The following KIDINS220 variants were observed in gnomAD, a reference collection of about 807,000 sequenced individuals.
The protein encoded by KIDINS220 is kinase D-interacting substrate of 220 kDa.
In KIDINS220, 63 loss-of-function variants were observed where a neutral mutation model predicts 157.6. The ratio of observed to expected loss-of-function variants is 0.40; its 90% CI spans 0.33 to 0.49. The LOEUF (loss-of-function observed/expected upper bound fraction) is 0.49, where lower values mean the gene tolerates loss of function less well. KIDINS220 is among the 20% of genes least tolerant of loss of function. The pLI, the probability that KIDINS220 is intolerant of heterozygous loss-of-function variation, is 0.66. For synonymous variants in KIDINS220, 732 were observed against 783.6 expected, an observed-to-expected ratio of 0.93 and a Z score of 1.10; for missense variants, 1,772 against 2,171.2, an observed-to-expected ratio of 0.82 and a Z score of 3.65.
intron 22 of KIDINS220, among the ~76,000 whole-genome samples, chr2:8,758,020 G>A (rs951299851): frequency 2.6e-5 from 4 of 152,110 alleles, no homozygotes; most frequent in African/African-American, 7.2e-5. Flanking sequence ...CAGCCACCAC[G>A]CCTGGCTAAT....
chr2:8,816,025 G>C (rs1452743645), intron 4 of KIDINS220, among the ~76,000 whole-genome samples: 1 of 152,074 alleles, frequency 6.6e-6, no homozygotes, highest in Non-Finnish European at 1.5e-5. Flanking sequence ...CCAATCCTTT[G>C]AGGTTAAGGT....
chr2:8,832,061 ACTC>A (rs1679716698), intron 1 of KIDINS220, among the ~76,000 whole-genome samples: 1 of 151,784 alleles, frequency 6.6e-6, no homozygotes, highest in Admixed American at 6.6e-5. Context: ...CAGAATTCCC[ACTC>A]CTCCTTATTC....
At chr2:8,747,865 C>A in intron 25 of KIDINS220, 22 bp downstream of exon 25, 1 of 1,403,204 alleles carries the variant, frequency 7.1e-7, no homozygotes. Flanking sequence ...TTAATATTTG[C>A]GTTACCCTTT....
chr2:8,794,308 A>G (rs1428899259), intron 11 of KIDINS220: 1 of 181,660 alleles, frequency 5.5e-6, no homozygotes, highest in Non-Finnish European at 1.1e-5. Context: ...GGTCCACTTC[A>G]TTAGTATCCC....
At chr2:8,823,785 G>A (rs1293916976) in intron 2 of KIDINS220, among the ~76,000 whole-genome samples, 4 of 152,016 alleles carry the variant, frequency 2.6e-5, no homozygotes, top group Non-Finnish European at 5.9e-5. Context: ...CTAACAAAAT[G>A]ACTACTTCTG....
In KIDINS220 at chr2:8,826,714, T is replaced by C. The variant is rs1211518963; in HGVS notation, c.108+272A>G. ...GATCTGTAAAGTTTCACAGAAGTAC[T>C]TGATTTCAGTAATCAAGCTTCCTGA... On this transcript the variant is annotated intron_variant, in intron 2 of 29. Coordinates refer to ENST00000256707, the MANE Select transcript of KIDINS220 (RefSeq NM_020738.4). 2.2e-5 allele frequency: 5 copies of C among 226,080 alleles called. No individual in the cohort carries two copies. In the East Asian group the frequency reaches 3.7e-4, roughly 17 times the overall value. 14.0% of individuals were successfully genotyped at this position (226,080 alleles called of 1,614,324 possible).
chr2:8,778,732 A>T lies in KIDINS220; in HGVS notation c.2615-5T>A, dbSNP rs757900584. On this transcript the variant is annotated splice_region_variant and splice_polypyrimidine_tract_variant and intron_variant, in intron 19 of 29. Transcript: ENST00000256707. ...TGTCAGCATCTTCCTGTATCCCTTAAATAATTTATCAAGACAGCATCACTT... is the reference window on the plus strand; with the variant it reads ...TGTCAGCATCTTCCTGTATCCCTTATATAATTTATCAAGACAGCATCACTT... 6.2e-7 allele frequency: 1 copy of T among 1,612,998 alleles called. No homozygotes were observed. The highest frequency in any genetic ancestry group is 8.5e-7 in the Non-Finnish European group (1 of 1,178,982).
At chr2:8,820,794 T>G in intron 2 of KIDINS220, among the ~76,000 whole-genome samples, 1 of 152,236 alleles carries the variant, frequency 6.6e-6, no homozygotes, top group Non-Finnish European at 1.5e-5. Context: ...TTAAAAGTTA[T>G]GTTTAGAATT....
At chr2:8,762,855 C>T (rs1353010304) in intron 22 of KIDINS220, among the ~76,000 whole-genome samples, 2 of 152,146 alleles carry the variant, frequency 1.3e-5, no homozygotes, top group Non-Finnish European at 2.9e-5. Flanking sequence ...AACAGATGTA[C>T]CAGATGTTTA....
rs201244067 is a variant in KIDINS220 at position 8,785,974 on chromosome 2, T to G, written c.1996A>C (p.Ile666Leu). The stretch of plus-strand genomic sequence containing the variant: ...ATTCCAGATATAATGCAGCCAATGA[T>G]AAAAAGGAAGATGACAAAAGATGGG... ...CLPSFVIFLF[I>L]IGCIISGITL... is the part of the protein sequence containing the mutation. The change falls in exon 17 of 30, where the codon ATC (isoleucine) becomes CTC (leucine). Residue 666 changes from isoleucine (I) to leucine (L), a missense_variant. Ile to Leu is a conservative substitution (Grantham distance 5). This residue lies in a region of KIDINS220 where 725 missense variants were observed against 1,017.1 expected (regional missense o/e 0.71). Transcript: ENST00000256707. 2.0e-5 allele frequency: 32 copies of G among 1,612,600 alleles called. No homozygotes were observed. Among genetic ancestry groups the G allele is most frequent in the Non-Finnish European group, 2.5e-5 (30 of 1,179,602 alleles).
chr2:8,761,223 A>G (rs778848422), intron 22 of KIDINS220, among the ~76,000 whole-genome samples: 3 of 152,180 alleles, frequency 2.0e-5, no homozygotes, highest in African/African-American at 4.8e-5. Flanking sequence ...TACATTAATC[A>G]TATATAGAAC....
In KIDINS220 at chr2:8,729,155, G is replaced by A; in HGVS notation, c.*1565C>T. On this transcript the variant is annotated 3_prime_UTR_variant, in exon 30 of 30. Coordinates refer to ENST00000256707, the MANE Select transcript of KIDINS220 (RefSeq NM_020738.4). ...CAGTGTATAATGTCAATAACATCCT[G>A]CCTTTTTAAAATTGCTTAAAACATT... The A allele has an allele frequency of 2.2e-5, 22 of 983,738 alleles. No individual in the cohort carries two copies. The highest frequency in any genetic ancestry group is 2.5e-5 in the Non-Finnish European group (21 of 828,132). The allele number at this position is 983,738 out of a possible 1,614,324, so 60.9% of individuals were successfully genotyped here.
chr2:8,763,158 C>T (rs554456158), intron 22 of KIDINS220, among the ~76,000 whole-genome samples: 1 of 152,230 alleles, frequency 6.6e-6, no homozygotes, highest in African/African-American at 2.4e-5. Flanking sequence ...TATCTCAGAC[C>T]CACTGCCTAG....
chr2:8,772,123 T>C (rs917956011), intron 21 of KIDINS220, among the ~76,000 whole-genome samples: 4 of 152,086 alleles, frequency 2.6e-5, no homozygotes, highest in Non-Finnish European at 4.4e-5. Flanking sequence ...GCACCATGCA[T>C]GCATGCAAAG....
rs752419029 is a variant in KIDINS220 at position 8,730,681 on chromosome 2, T to C, written c.*39A>G. 3 of 1,579,778 alleles carry C rather than the reference T, an allele frequency of 1.9e-6. No homozygotes were observed. The highest frequency in any genetic ancestry group is 1.8e-5 in the Admixed American group (1 of 56,048). On this transcript the variant is annotated 3_prime_UTR_variant, in exon 30 of 30. Coordinates refer to ENST00000256707, the MANE Select transcript of KIDINS220 (RefSeq NM_020738.4). The stretch of plus-strand genomic sequence containing the variant: ...GTCAAAATCCAGGACAATTCTGTCA[T>C]AAAGGTACAGTAACACTCTTCTCCT...
intron 29 of KIDINS220, 119 bp downstream of exon 29, chr2:8,733,325 G>T: frequency 1.2e-6 from 1 of 864,038 alleles, no homozygotes; most frequent in Non-Finnish European, 1.8e-6. Context: ...CTTGTCTCCT[G>T]TTCACTTAGG....
chr2:8,791,815 C>T (rs2148279428), intron 12 of KIDINS220, among the ~76,000 whole-genome samples: 1 of 152,124 alleles, frequency 6.6e-6, no homozygotes, highest in Middle Eastern at 3.4e-3. Flanking sequence ...TATTCTATCA[C>T]TTTAAGGCAG....
At chr2:8,826,443 T>C (rs1272747822) in intron 2 of KIDINS220, among the ~76,000 whole-genome samples, 1 of 152,080 alleles carries the variant, frequency 6.6e-6, no homozygotes, top group Non-Finnish European at 1.5e-5. Flanking sequence ...ACCCTGTCTC[T>C]ACTAAAACTA....
intron 29 of KIDINS220, among the ~76,000 whole-genome samples, chr2:8,732,575 C>T (rs1664273035): frequency 6.6e-6 from 1 of 152,012 alleles, no homozygotes. Flanking sequence ...TGCTTCAGAT[C>T]CCAGAATAGC....
Sources: allele counts gnomAD v4.1 joint callset (sites outside exome capture counted in the v4.1 genomes callset), GRCh38; gene constraint gnomAD v4.1.1; regional missense constraint gnomAD v4.1.1; transcripts MANE v1.5; gene names NCBI Gene and HGNC (gene_info 2026-07-23, HGNC 2026-07-21).